The following DSCAML1 variants were observed in gnomAD, a reference collection of about 807,000 sequenced individuals.
The protein encoded by DSCAML1 is DS cell adhesion molecule like 1, also known as cell adhesion molecule DSCAML1.
DSCAML1 carries 38 observed loss-of-function variants against 200.5 expected under a neutral mutation model. That is an observed-to-expected ratio of 0.19 (90% CI 0.15 to 0.25). The LOEUF is 0.25. Ranked by LOEUF, DSCAML1 falls within the 10% of genes least tolerant of loss-of-function variation. The probability of loss-of-function intolerance (pLI) is 1.00; values close to 1 mark genes in which losing one functional copy is unlikely to be tolerated. For synonymous variants in DSCAML1, 1,215 were observed against 1,165.0 expected (o/e 1.04, Z -0.87); for missense variants, 2,223 against 2,858.8 (o/e 0.78, Z 5.07).
chr11:117,443,406 C>T (rs61905305), intron 21 of DSCAML1, among the ~76,000 whole-genome samples: 14,053 of 152,328 alleles, frequency 0.092, 861 homozygotes, highest in Non-Finnish European at 0.13. Flanking sequence ...TCACAGCACG[C>T]GCTCCGTAAA....
chr11:117,704,878 T>C (rs928211971), intron 3 of DSCAML1, among the ~76,000 whole-genome samples: 7 of 152,274 alleles, frequency 4.6e-5, no homozygotes, highest in African/African-American at 1.4e-4. Flanking sequence ...TGGTGACTAA[T>C]AGAGAACTCT....
At chr11:117,638,611 T>A (rs1003376555) in intron 3 of DSCAML1, among the ~76,000 whole-genome samples, 1 of 152,196 alleles carries the variant, frequency 6.6e-6, no homozygotes, top group Non-Finnish European at 1.5e-5. Context: ...GGATACTTTA[T>A]ATAAAGGGAA....
At chr11:117,487,686 G>A (rs1337404688) in intron 11 of DSCAML1, among the ~76,000 whole-genome samples, 2 of 152,168 alleles carry the variant, frequency 1.3e-5, no homozygotes, top group Non-Finnish European at 1.5e-5. Flanking sequence ...CCTATTTGAC[G>A]AAGGACATTG....
At chr11:117,768,203 C>T (rs551520678) in intron 3 of DSCAML1, among the ~76,000 whole-genome samples, 1 of 152,314 alleles carries the variant, frequency 6.6e-6, no homozygotes, top group South Asian at 2.1e-4. Flanking sequence ...CAAAACCGCA[C>T]CTCCATTCCT....
intron 3 of DSCAML1, among the ~76,000 whole-genome samples, chr11:117,698,754 G>A (rs1465285743): frequency 2.6e-5 from 4 of 152,002 alleles, no homozygotes; most frequent in African/African-American, 4.8e-5. Context: ...CATCCATTTC[G>A]GAATCTGGTT....
Position 117,469,124 on chromosome 11 carries a change from A to C in DSCAML1, c.3024+786T>G, listed in dbSNP as rs1012701893. On this transcript the variant is annotated intron_variant, in intron 16 of 32. Transcript: ENST00000651296. This position sits in a 1 kb window ranked among gnomAD's most constrained non-coding sequence, Gnocchi z 4.1. ...CTGTCTCTGCTAGCCAGGCCACCTCACATCTTGTCTCCATGGCCTCCTCTG... is the reference window on the plus strand; with the variant it reads ...CTGTCTCTGCTAGCCAGGCCACCTCCCATCTTGTCTCCATGGCCTCCTCTG... Among the ~76,000 whole-genome samples the C allele has an allele frequency of 6.6e-5, 10 of 152,132 alleles. No homozygotes were observed. The highest frequency in any genetic ancestry group is 2.4e-4 in the African/African-American group (10 of 41,430).
intron 3 of DSCAML1, among the ~76,000 whole-genome samples, chr11:117,667,732 A>C (rs1245251042): frequency 1.3e-5 from 2 of 152,208 alleles, no homozygotes; most frequent in Non-Finnish European, 2.9e-5. Flanking sequence ...TTGATCGTTG[A>C]TTATAGCACC....
intron 3 of DSCAML1, among the ~76,000 whole-genome samples, chr11:117,613,592 A>T (rs2051744106): frequency 6.6e-6 from 1 of 152,172 alleles, no homozygotes; most frequent in Admixed American, 6.5e-5. Flanking sequence ...TATTAAAAGA[A>T]TTTCCATTTC....
chr11:117,769,186 ATATATATTTTATAT>A (rs2054959785), intron 3 of DSCAML1, among the ~76,000 whole-genome samples: 1 of 33,878 alleles, frequency 3.0e-5, no homozygotes, highest in African/African-American at 6.3e-5. Flanking sequence ...TATATTATAC[ATATATATTTTATAT>A]ATATTATATA....
Position 117,463,379 on chromosome 11 carries a change from T to C in DSCAML1, c.3265+1563A>G, listed in dbSNP as rs2048520609. Among the ~76,000 whole-genome samples, 1 of 152,020 alleles carries C rather than the reference T, an allele frequency of 6.6e-6. No homozygotes were observed. Among genetic ancestry groups the C allele is most frequent in the Non-Finnish European group, 1.5e-5 (1 of 68,006 alleles). On this transcript the variant is annotated intron_variant, in intron 17 of 32. Transcript: ENST00000651296. This position sits in a 1 kb window ranked among gnomAD's most constrained non-coding sequence, Gnocchi z 4.0. ...ATAATACATCCTTTTTTTTTTTTTT[T>C]TAGAGATGGGGTCTTGCTGTATTGT...
Position 117,536,364 on chromosome 11 carries a change from C to T in DSCAML1, c.512-3842G>A, listed in dbSNP as rs571456745. Among the ~76,000 whole-genome samples, 12 of 152,346 alleles carry T rather than the reference C, an allele frequency of 7.9e-5. No homozygotes were observed. In the South Asian group the frequency reaches 2.5e-3, roughly 32 times the overall value. On this transcript the variant is annotated intron_variant, in intron 3 of 32. Transcript: ENST00000651296. Reference sequence around the variant, plus strand: ...GCCTCCCGGGCTGGCAGCCCATGCTCTGCACCCCAGAGGCAACTAGCCATC... The same window carrying T: ...GCCTCCCGGGCTGGCAGCCCATGCTTTGCACCCCAGAGGCAACTAGCCATC...
intron 3 of DSCAML1, among the ~76,000 whole-genome samples, chr11:117,536,386 C>T (rs2050171707): frequency 6.6e-6 from 1 of 152,228 alleles, no homozygotes; most frequent in Non-Finnish European, 1.5e-5. Flanking sequence ...GGCAACTAGC[C>T]ATCCCTGGGA....
chr11:117,486,254 GGGAAAGTGGTGGATGGGAAAGTGGCGGA>G, intron 11 of DSCAML1, among the ~76,000 whole-genome samples: 1 of 72,396 alleles, frequency 1.4e-5, no homozygotes, highest in African/African-American at 5.9e-5. Context: ...AGTGGCGGAT[GGGAAAGTGGTGGATGGGAAAGTGGCGGA>G]TGTGAAAATG....
At chr11:117,813,931 T>C (rs2055781186) in intron 1 of DSCAML1, among the ~76,000 whole-genome samples, 1 of 152,150 alleles carries the variant, frequency 6.6e-6, no homozygotes, top group South Asian at 2.1e-4. Flanking sequence ...AGCCATCGCA[T>C]CCCCTGTGAC....
In DSCAML1 at chr11:117,482,031, G is replaced by A. The variant is rs773439458; in HGVS notation, c.2491C>T (p.Pro831Ser). 1 of 1,614,176 alleles carries A rather than the reference G, an allele frequency of 6.2e-7. No homozygotes were observed. The highest frequency in any genetic ancestry group is 8.5e-7 in the Non-Finnish European group (1 of 1,180,012). Residue 831 changes from proline (P) to serine (S), a missense_variant, in exon 12 of 33, where the codon CCT becomes TCT. This residue lies in a region of DSCAML1 where 438 missense variants were observed against 629.7 expected (regional missense o/e 0.70). Coordinates refer to ENST00000651296, the MANE Select transcript of DSCAML1 (RefSeq NM_020693.4). ...ATGGCATACCGCATGACGCGGTCAG[G>A]GTCGATGACTGTGTCCCCCTTCTCC... ...RWEKGDTVID[P>S]DRVMRYAIAT...
At chr11:117,508,726 C>G (rs2049558777) in intron 8 of DSCAML1, among the ~76,000 whole-genome samples, 1 of 151,998 alleles carries the variant, frequency 6.6e-6, no homozygotes, top group Admixed American at 6.5e-5. Context: ...AGCTGGAGAA[C>G]AGGATGTATG....
chr11:117,789,773 C>A (rs572471983), intron 1 of DSCAML1, among the ~76,000 whole-genome samples: 1 of 152,096 alleles, frequency 6.6e-6, no homozygotes, highest in Non-Finnish European at 1.5e-5. Context: ...ACATCAGGAC[C>A]AGTGAGTAGA....
rs111406563 is a variant in DSCAML1 at position 117,810,105 on chromosome 11, A to G, written c.-250+7285T>C. Among the ~76,000 whole-genome samples the G allele has an allele frequency of 3.6e-3, 546 of 152,246 alleles. 1 individual carries two copies. The highest frequency in any genetic ancestry group is 0.012 in the African/African-American group (507 of 41,552). On this transcript the variant is annotated intron_variant, in intron 1 of 2. Transcript: ENST00000525836. Reference sequence around the variant, plus strand: ...CGCACACACATACACACATTCACATACATACATATTCACATTTCAATCTTG... The same window carrying G: ...CGCACACACATACACACATTCACATGCATACATATTCACATTTCAATCTTG...
At chr11:117,568,669 T>A (rs1283247589) in intron 3 of DSCAML1, among the ~76,000 whole-genome samples, 1 of 152,116 alleles carries the variant, frequency 6.6e-6, no homozygotes, top group East Asian at 1.9e-4. Flanking sequence ...ACAAGGGACA[T>A]GAACGACCTC....
Sources: allele counts gnomAD v4.1 joint callset (sites outside exome capture counted in the v4.1 genomes callset), GRCh38; gene constraint gnomAD v4.1.1; regional missense constraint gnomAD v4.1.1; non-coding constraint Gnocchi (gnomAD v3.1); transcripts MANE v1.5; gene names NCBI Gene and HGNC (gene_info 2026-07-23, HGNC 2026-07-21).